UGGT1: variants seen among roughly 807,000 people sequenced by gnomAD.
The protein encoded by UGGT1 is UDP-glucose:glycoprotein glucosyltransferase 1.
A neutral mutation model predicts 203.9 loss-of-function variants in UGGT1; 107 were observed. The ratio of observed to expected loss-of-function variants is 0.52; its 90% CI spans 0.45 to 0.62. The LOEUF is 0.62. UGGT1 is among the 20% of genes least tolerant of loss of function. UGGT1 has a pLI of 0.00. For synonymous variants in UGGT1, 628 were observed against 653.5 expected, an observed-to-expected ratio of 0.96 and a Z score of 0.59; for missense variants, 1,673 against 1,867.2, an observed-to-expected ratio of 0.90 and a Z score of 1.92.
At chr2:128,179,638 C>A in intron 34 of UGGT1, 148 bp from the exon 35 acceptor site, 1 of 594,870 alleles carries the variant, frequency 1.7e-6, no homozygotes, top group Admixed American at 3.7e-5. Flanking sequence ...TTTTCATTTT[C>A]CATCACTGAG....
intron 5 of UGGT1, among the ~76,000 whole-genome samples, chr2:128,110,202 C>A (rs1470664093): frequency 1.3e-5 from 2 of 152,092 alleles, no homozygotes; most frequent in African/African-American, 4.8e-5. Context: ...AACTAATGTA[C>A]CAGCTTTTTG....
intron 38 of UGGT1, among the ~76,000 whole-genome samples, chr2:128,186,032 C>T (rs1424449813): frequency 1.3e-5 from 2 of 152,160 alleles, no homozygotes; most frequent in East Asian, 1.9e-4. Flanking sequence ...GCAAAATTTA[C>T]GAACCACCAC....
intron 4 of UGGT1, among the ~76,000 whole-genome samples, chr2:128,108,612 T>C (rs1329020113): frequency 6.6e-6 from 1 of 152,186 alleles, no homozygotes; most frequent in Non-Finnish European, 1.5e-5. Flanking sequence ...ATATTTGATA[T>C]AAAAGCAATG....
Position 128,182,128 on chromosome 2 carries a change from A to G in UGGT1, c.4084-2A>G. 1 of 1,613,076 alleles carries G rather than the reference A, an allele frequency of 6.2e-7. No individual in the cohort carries two copies. The highest frequency in any genetic ancestry group is 2.2e-5 in the East Asian group (1 of 44,874). On this transcript the variant is annotated splice_acceptor_variant, in intron 36 of 40. Transcript: ENST00000259253. LOFTEE classifies it high-confidence loss of function. ...TAACAAATGACTTTTTATATTCTCC[A>G]GATTGTACGAACAGATCTGAAAGAG...
In UGGT1 at chr2:128,182,303, AG is replaced by A; in HGVS notation, c.4244+14del. 1 of 1,609,182 alleles carries A rather than the reference AG, an allele frequency of 6.2e-7. No individual in the cohort carries two copies. Among genetic ancestry groups the A allele is most frequent in the African/African-American group, 1.3e-5 (1 of 74,828 alleles). On this transcript the variant is annotated intron_variant, in intron 37 of 40. Transcript: ENST00000259253. ...AGTATCATATCAGGTACTGAAAAGAAGCACTCCTAACACTGTTACGGGGTTT... is the reference window on the plus strand; with the variant it reads ...AGTATCATATCAGGTACTGAAAAGAACACTCCTAACACTGTTACGGGGTTT...
chr2:128,160,323 A>C, intron 23 of UGGT1, 137 bp from the exon 24 acceptor site: 4 of 856,118 alleles, frequency 4.7e-6, no homozygotes, highest in Non-Finnish European at 6.8e-6. Context: ...GAGAATTGAC[A>C]CATCTTAATG....
intron 2 of UGGT1, chr2:128,103,130 GTC>G (rs778804057): frequency 2.5e-5 from 12 of 470,798 alleles, no homozygotes; most frequent in Non-Finnish European, 4.8e-5. Flanking sequence ...TAATGGGAAA[GTC>G]TTCCTTTGGC....
intron 17 of UGGT1, among the ~76,000 whole-genome samples, chr2:128,145,336 C>T (rs1190736333): frequency 6.6e-6 from 1 of 152,120 alleles, no homozygotes; most frequent in Non-Finnish European, 1.5e-5. Flanking sequence ...TCATAGTTGG[C>T]AGGTTTCAGG....
chr2:128,096,698 G>A lies in UGGT1; in HGVS notation c.59-731G>A, dbSNP rs114422955. Among the ~76,000 whole-genome samples, 343 of 152,268 alleles carry A rather than the reference G, an allele frequency of 2.3e-3. 4 individuals carry two copies. The highest frequency in any genetic ancestry group is 7.0e-3 in the African/African-American group (292 of 41,552). On this transcript the variant is annotated intron_variant, in intron 1 of 40. Transcript: ENST00000259253. ...AAATAAGTTGACATTACGAGGTACC[G>A]GGGGATAGGATTTCCATATCTTTTT...
chr2:128,181,493 G>T (rs145465909), intron 36 of UGGT1, among the ~76,000 whole-genome samples: 23 of 152,354 alleles, frequency 1.5e-4, no homozygotes, highest in Admixed American at 2.6e-4. Context: ...GGCCGTCAGG[G>T]TTTGACTTAG....
Position 128,125,887 on chromosome 2 carries a change from T to G in UGGT1, c.1135-1474T>G, listed in dbSNP as rs565966473. Among the ~76,000 whole-genome samples the G allele has an allele frequency of 1.1e-4, 17 of 152,040 alleles. No individual in the cohort carries two copies. In the East Asian group the frequency reaches 3.3e-3, roughly 29 times the overall value. On this transcript the variant is annotated intron_variant, in intron 11 of 40. Transcript: ENST00000259253. ...GACAAAATTATACTATATTGCTGTT[T>G]CATGGAGTCTTAATTTTTTTTGAGT...
At chr2:128,128,554 C>T (rs183414859) in intron 12 of UGGT1, among the ~76,000 whole-genome samples, 3 of 152,186 alleles carry the variant, frequency 2.0e-5, no homozygotes, top group African/African-American at 7.2e-5. Context: ...CCTTGTGATC[C>T]GCCCGCCTTG....
At chr2:128,168,319 A>C (rs1451834959) in intron 26 of UGGT1, among the ~76,000 whole-genome samples, 2 of 152,302 alleles carry the variant, frequency 1.3e-5, no homozygotes, top group South Asian at 4.1e-4. Context: ...TTGGCAGTGG[A>C]CTTAATCTGA....
intron 28 of UGGT1, 56 bp downstream of exon 28, chr2:128,171,340 G>GGA (rs1243465380): frequency 2.0e-6 from 3 of 1,464,336 alleles, no homozygotes; most frequent in Non-Finnish European, 2.8e-6. Flanking sequence ...TCCAAGTTCT[G>GGA]ATATTGCATG....
At chr2:128,098,053 G>T (rs1687194670) in intron 2 of UGGT1, among the ~76,000 whole-genome samples, 1 of 152,036 alleles carries the variant, frequency 6.6e-6, no homozygotes, top group African/African-American at 2.4e-5. Context: ...GTAGAGAAGG[G>T]GTTTCGCCAT....
rs1687975061 is a variant in UGGT1, at chr2:128,113,752, G to C, written c.696+494G>C. 6.3e-4 allele frequency among the ~76,000 whole-genome samples: 2 copies of C among 3,170 alleles called. 1 individual carries two copies. Among genetic ancestry groups the C allele is most frequent in the African/African-American group, 7.4e-4 (2 of 2,700 alleles). The allele number at this position is 3,170 out of a possible 152,430, so 2.1% of individuals were successfully genotyped here. ...TCCCAGCACTTTGGGAGGCCGAGGC[G>C]GGCGGATCACGAGGTCAGGAGATCG... is the stretch of plus-strand genomic sequence containing the variant. On this transcript the variant is annotated intron_variant, in intron 6 of 40. Transcript: ENST00000259253.
intron 1 of UGGT1, among the ~76,000 whole-genome samples, chr2:128,096,024 C>T (rs879471322): frequency 7.2e-5 from 11 of 152,086 alleles, no homozygotes; most frequent in South Asian, 2.1e-4. Flanking sequence ...AGGGGAGGTC[C>T]GATTAGGGTT....
rs1692443539 is a variant in UGGT1 at position 128,194,822 on chromosome 2, C to T, written c.*5080C>T. ...GGTTATTGATATTTCAGGGTATATACCTGAAATGCCTAGAGGATACAGATT... is the reference window on the plus strand; with the variant it reads ...GGTTATTGATATTTCAGGGTATATATCTGAAATGCCTAGAGGATACAGATT... On this transcript the variant is annotated 3_prime_UTR_variant, in exon 41 of 41. Transcript: ENST00000259253. 1.3e-5 allele frequency: 2 copies of T among 152,084 alleles called. No homozygotes were observed. The highest frequency in any genetic ancestry group is 6.5e-5 in the Admixed American group (1 of 15,268). 9.4% of individuals were successfully genotyped at this position (152,084 alleles called of 1,614,324 possible).
In UGGT1 at chr2:128,156,724, C is replaced by T. The variant is rs542353292; in HGVS notation, c.2260+309C>T. ...CTGGGATTACAGGCACCCGCCACCA[C>T]GTCCAGCTAACTTTTTTGTATTTTT... On this transcript the variant is annotated intron_variant, in intron 21 of 40. Transcript: ENST00000259253. 3.9e-5 allele frequency among the ~76,000 whole-genome samples: 6 copies of T among 152,096 alleles called. No homozygotes were observed. The South Asian group carries it at 8.3e-4, about 21-fold the overall frequency.
Sources: allele counts gnomAD v4.1 joint callset (sites outside exome capture counted in the v4.1 genomes callset), GRCh38; gene constraint gnomAD v4.1.1; transcripts MANE v1.5; gene names NCBI Gene and HGNC (gene_info 2026-07-23, HGNC 2026-07-21).